The following LPAR1 variants were observed in gnomAD, a reference collection of about 807,000 sequenced individuals.
LPAR1 encodes LPA receptor 1.
LPAR1 carries 5 observed loss-of-function variants against 23.8 expected under a neutral mutation model. The observed-to-expected ratio is 0.21, with a 90% CI of 0.11 to 0.44. The LOEUF (loss-of-function observed/expected upper bound fraction) is 0.44. LPAR1 is among the 20% of genes least tolerant of loss of function. The pLI is 0.99. For synonymous variants in LPAR1, 160 were observed against 164.7 expected, an observed-to-expected ratio of 0.97 and a Z score of 0.22; for missense variants, 311 against 482.8, an observed-to-expected ratio of 0.64 and a Z score of 3.33.
chr9:110,874,735 T>C lies in LPAR1; in HGVS notation c.*686A>G, dbSNP rs905190742. 1.3e-5 allele frequency: 2 copies of C among 152,676 alleles called. No individual in the cohort carries two copies. Among genetic ancestry groups the C allele is most frequent in the African/African-American group, 4.8e-5 (2 of 41,474 alleles). 9.5% of individuals were successfully genotyped at this position (152,676 alleles called of 1,614,324 possible). ...CAACATTTTAATTAAACAGTTAATA[T>C]TGTGATTAGAGCATTGTTTGCTTCA... is the stretch of plus-strand genomic sequence containing the variant. On this transcript the variant is annotated 3_prime_UTR_variant, in exon 6 of 6. Transcript: ENST00000683809.
At chr9:111,013,390 C>A (rs976919528) in intron 2 of LPAR1, among the ~76,000 whole-genome samples, 2 of 152,118 alleles carry the variant, frequency 1.3e-5, no homozygotes, top group Non-Finnish European at 2.9e-5. Flanking sequence ...AGAGATGAAT[C>A]TAATTAATGT....
chr9:111,034,736 A>G (rs1433985238), intron 2 of LPAR1, among the ~76,000 whole-genome samples: 1 of 152,124 alleles, frequency 6.6e-6, no homozygotes, highest in Non-Finnish European at 1.5e-5. Flanking sequence ...AATATGTGTT[A>G]CTCAGTGTCT....
At chr9:110,930,814 C>T (rs1473810718) in intron 5 of LPAR1, among the ~76,000 whole-genome samples, 1 of 152,032 alleles carries the variant, frequency 6.6e-6, no homozygotes, top group Non-Finnish European at 1.5e-5. Context: ...ACCCCGGAGG[C>T]TGAGGCAGGA....
intron 2 of LPAR1, among the ~76,000 whole-genome samples, chr9:111,030,930 G>A (rs576367843): frequency 9.9e-5 from 15 of 152,014 alleles, no homozygotes; most frequent in Non-Finnish European, 1.6e-4. Flanking sequence ...ACATACATAT[G>A]AGTATGTATA....
At chr9:111,031,785 A>T (rs866865292) in intron 2 of LPAR1, among the ~76,000 whole-genome samples, 1 of 152,214 alleles carries the variant, frequency 6.6e-6, no homozygotes, top group African/African-American at 2.4e-5. Context: ...TAAAACAGAT[A>T]AATCCTAGCA....
chr9:110,997,280 A>T (rs1251617681), intron 2 of LPAR1, among the ~76,000 whole-genome samples: 1 of 152,200 alleles, frequency 6.6e-6, no homozygotes, highest in Non-Finnish European at 1.5e-5. Context: ...CAGATAGGTT[A>T]CAGAAGATTA....
chr9:110,880,590 GT>G lies in LPAR1; in HGVS notation c.794-4869del, dbSNP rs547351963. ...TTTCTAGTCTGGCTGGCAAAGTTGT[GT>G]TTTTACAAAAGAACCAGACATCCCA... On this transcript the variant is annotated intron_variant, in intron 5 of 5. Transcript: ENST00000683809. 4.6e-5 allele frequency among the ~76,000 whole-genome samples: 7 copies of G among 152,312 alleles called. No homozygotes were observed. The South Asian group carries it at 1.5e-3, about 32-fold the overall frequency.
chr9:110,985,048 C>T (rs1447034886), intron 2 of LPAR1, among the ~76,000 whole-genome samples: 1 of 152,194 alleles, frequency 6.6e-6, no homozygotes, highest in Middle Eastern at 3.4e-3. Flanking sequence ...TTACTTATCC[C>T]TACCACTGAC....
intron 4 of LPAR1, among the ~76,000 whole-genome samples, chr9:110,965,567 A>G (rs1240564153): frequency 1.3e-5 from 2 of 152,234 alleles, no homozygotes; most frequent in Non-Finnish European, 2.9e-5. Context: ...CAAAACCACA[A>G]TGAGATACCA....
chr9:111,020,740 G>A (rs1297591583), intron 2 of LPAR1, among the ~76,000 whole-genome samples: 1 of 152,122 alleles, frequency 6.6e-6, no homozygotes, highest in Non-Finnish European at 1.5e-5. Flanking sequence ...GCCTGTGCCT[G>A]TGTGACCTGC....
intron 5 of LPAR1, among the ~76,000 whole-genome samples, chr9:110,920,335 T>G (rs542405021): frequency 3.3e-5 from 5 of 152,214 alleles, no homozygotes; most frequent in Admixed American, 6.5e-5. Flanking sequence ...ATTATACTTT[T>G]CTGAGTGATG....
intron 2 of LPAR1, among the ~76,000 whole-genome samples, chr9:111,011,720 T>C (rs1458549842): frequency 6.6e-6 from 1 of 152,210 alleles, no homozygotes; most frequent in Non-Finnish European, 1.5e-5. Context: ...CCTTGCTGGC[T>C]AGTTCTGACC....
At chr9:110,966,316 T>C (rs1432166841) in intron 4 of LPAR1, among the ~76,000 whole-genome samples, 1 of 151,858 alleles carries the variant, frequency 6.6e-6, no homozygotes, top group African/African-American at 2.4e-5. Flanking sequence ...CCATCTCTAC[T>C]AAAAATATAA....
chr9:110,880,834 T>C (rs944498529), intron 5 of LPAR1, among the ~76,000 whole-genome samples: 1 of 152,230 alleles, frequency 6.6e-6, no homozygotes, highest in Admixed American at 6.5e-5. Flanking sequence ...TATCCCAGAA[T>C]CTAATCAAAT....
rs778795115 is a variant in LPAR1, at chr9:110,918,886, G to GT, written c.793+22534dup. 9.9e-3 allele frequency among the ~76,000 whole-genome samples: 1,462 copies of GT among 146,996 alleles called. 14 individuals carry two copies. Among genetic ancestry groups the GT allele is most frequent in the African/African-American group, 0.023 (927 of 40,374 alleles). On this transcript the variant is annotated intron_variant, in intron 5 of 5. Transcript: ENST00000683809. ...TTAAAACAGCATTTTTGAAAAGCTG[G>GT]TTTTTTTTTTTCCATCTGTACTCAA...
chr9:110,924,152 A>G (rs2093835804), intron 5 of LPAR1, among the ~76,000 whole-genome samples: 1 of 152,118 alleles, frequency 6.6e-6, no homozygotes, highest in African/African-American at 2.4e-5. Context: ...AGCTTTCTGA[A>G]GAACATTTAA....
At chr9:110,947,302 T>A (rs2095415829) in intron 4 of LPAR1, among the ~76,000 whole-genome samples, 8 of 152,174 alleles carry the variant, frequency 5.3e-5, no homozygotes, top group Admixed American at 5.2e-4. Flanking sequence ...AGTTATAGAA[T>A]TTCACCCTGC....
chr9:110,993,371 A>G (rs188445470), intron 2 of LPAR1, among the ~76,000 whole-genome samples: 1 of 152,234 alleles, frequency 6.6e-6, no homozygotes, highest in East Asian at 1.9e-4. Context: ...ATTATTATGG[A>G]ATAGTTTTTA....
chr9:111,038,531 C>T (rs150494808), upstream of LPAR1: 4,660 of 444,604 alleles, frequency 0.01, 43 homozygotes, highest in Non-Finnish European at 0.015. The surrounding 1 kb of genome is among the most constrained non-coding windows in gnomAD (Gnocchi z 4.4). Context: ...AGGAGCAGCG[C>T]CGACGCCAGC....
Sources: allele counts gnomAD v4.1 joint callset (sites outside exome capture counted in the v4.1 genomes callset), GRCh38; gene constraint gnomAD v4.1.1; non-coding constraint Gnocchi (gnomAD v3.1); transcripts MANE v1.5; gene names NCBI Gene and HGNC (gene_info 2026-07-23, HGNC 2026-07-21).